Variants in NHSL1 observed in about 807,000 individuals in gnomAD.
NHSL1 encodes NHS like 1, also known as NHS-like protein 1.
Under a neutral mutation model 95.0 loss-of-function variants are expected in NHSL1, and 48 were observed. The observed-to-expected ratio is 0.51, with a 90% CI of 0.40 to 0.64. The LOEUF is 0.64. Among genes scored for constraint, NHSL1 ranks in the 30% least tolerant of loss-of-function variants. NHSL1 has a pLI of 0.00. For missense variants in NHSL1, 1,971 were observed against 2,077.7 expected (o/e 0.95, Z 1.00); for synonymous variants, 783 against 833.9 (o/e 0.94, Z 1.05).
intron 1 of NHSL1, among the ~76,000 whole-genome samples, chr6:138,583,643 G>A (rs1784092695): frequency 6.6e-6 from 1 of 152,144 alleles, no homozygotes; most frequent in South Asian, 2.1e-4. Context: ...GCACTAAACT[G>A]ATGTTTGTTA....
At chr6:138,614,898 T>C (rs888752483) in intron 1 of NHSL1, among the ~76,000 whole-genome samples, 1 of 152,168 alleles carries the variant, frequency 6.6e-6, no homozygotes, top group African/African-American at 2.4e-5. Flanking sequence ...TGAAATACTT[T>C]CATCCCGAAA....
chr6:138,619,679 C>A (rs564946439), intron 1 of NHSL1, among the ~76,000 whole-genome samples: 2 of 152,028 alleles, frequency 1.3e-5, no homozygotes, highest in Non-Finnish European at 2.9e-5. Context: ...CCCACCACTT[C>A]GGGAGGACAA....
intron 1 of NHSL1, among the ~76,000 whole-genome samples, chr6:138,605,531 A>G (rs900255610): frequency 5.9e-5 from 9 of 152,250 alleles, no homozygotes; most frequent in Non-Finnish European, 1.2e-4. Context: ...ATCAGCTCAA[A>G]GCATAAAAAG....
chr6:138,447,339 G>T, intron 3 of NHSL1, 146 bp from the exon 4 acceptor site: 1 of 666,170 alleles, frequency 1.5e-6, no homozygotes, highest in South Asian at 2.1e-5. Flanking sequence ...GCAATGGTTT[G>T]CTCAGCCTCT....
chr6:138,623,512 A>AT (rs1784694158), intron 1 of NHSL1, among the ~76,000 whole-genome samples: 2 of 152,300 alleles, frequency 1.3e-5, no homozygotes, highest in African/African-American at 2.4e-5. Flanking sequence ...TCACATACTT[A>AT]TTTTTTGTGG....
At chr6:138,475,801 A>G (rs912089772) in intron 2 of NHSL1, among the ~76,000 whole-genome samples, 1 of 151,808 alleles carries the variant, frequency 6.6e-6, no homozygotes, top group African/African-American at 2.4e-5. Context: ...CAAAACAAAA[A>G]CAAAAACAAA....
intron 2 of NHSL1, among the ~76,000 whole-genome samples, chr6:138,482,168 G>A (rs1156741537): frequency 6.6e-6 from 1 of 152,202 alleles, no homozygotes; most frequent in Non-Finnish European, 1.5e-5. Flanking sequence ...AGAAGATGAA[G>A]CCGGGCGTGG....
intron 1 of NHSL1, among the ~76,000 whole-genome samples, chr6:138,691,225 T>C (rs1275092550): frequency 6.6e-6 from 1 of 152,198 alleles, no homozygotes; most frequent in African/African-American, 2.4e-5. Context: ...TCCTCCCCAC[T>C]GATTTTTTTT....
chr6:138,497,101 T>C (rs1396157789), intron 1 of NHSL1, among the ~76,000 whole-genome samples: 1 of 152,130 alleles, frequency 6.6e-6, no homozygotes, highest in Non-Finnish European at 1.5e-5. Context: ...GAGGACAAAA[T>C]AACAGGTAAA....
chr6:138,597,854 A>C (rs1057431332), intron 1 of NHSL1, among the ~76,000 whole-genome samples: 2 of 151,962 alleles, frequency 1.3e-5, no homozygotes, highest in African/African-American at 4.9e-5. Flanking sequence ...TTCAGGGTAG[A>C]AAAAAGATAA....
intron 1 of NHSL1, among the ~76,000 whole-genome samples, chr6:138,676,331 A>G (rs1785448102): frequency 6.6e-6 from 1 of 152,222 alleles, no homozygotes; most frequent in Non-Finnish European, 1.5e-5. Context: ...AGGAAACCTT[A>G]CATTATTAAG....
At chr6:138,602,279 T>A (rs1243892004) in intron 1 of NHSL1, among the ~76,000 whole-genome samples, 1 of 152,232 alleles carries the variant, frequency 6.6e-6, no homozygotes, top group Non-Finnish European at 1.5e-5. Context: ...ACAGATTTTG[T>A]ATGTTTCATT....
intron 1 of NHSL1, among the ~76,000 whole-genome samples, chr6:138,612,849 T>C (rs1181897868): frequency 1.3e-5 from 2 of 152,222 alleles, no homozygotes; most frequent in African/African-American, 4.8e-5. Flanking sequence ...AAAATTAACT[T>C]CCCTTGCTGA....
intron 1 of NHSL1, among the ~76,000 whole-genome samples, chr6:138,641,524 G>A (rs1161694121): frequency 6.6e-6 from 1 of 150,496 alleles, no homozygotes; most frequent in Admixed American, 6.7e-5. Flanking sequence ...TCAGGAGGCT[G>A]ATGCAGGAGA....
chr6:138,437,587 T>C (rs1776271679), intron 5 of NHSL1, among the ~76,000 whole-genome samples: 1 of 152,108 alleles, frequency 6.6e-6, no homozygotes, highest in African/African-American at 2.4e-5. Context: ...GTCTTAATTT[T>C]GTAATGCATT....
chr6:138,522,912 T>G (rs1781743167), intron 1 of NHSL1, among the ~76,000 whole-genome samples: 1 of 152,202 alleles, frequency 6.6e-6, no homozygotes, highest in Non-Finnish European at 1.5e-5. Flanking sequence ...CAAAACAAGA[T>G]TTAACAATCT....
rs1455730178 is a variant in NHSL1, at chr6:138,584,711, A to G, written c.97-88340T>C. Among the ~76,000 whole-genome samples, 3 of 152,366 alleles carry G rather than the reference A, an allele frequency of 2.0e-5. No homozygotes were observed. The East Asian group carries it at 5.8e-4, about 29-fold the overall frequency. ...TTAAATCAAGACAACTTCTATTACC[A>G]TGAAGATATGCCACCACGAAGAACT... On this transcript the variant is annotated intron_variant, in intron 1 of 3. Transcript: ENST00000491526.
rs61297336 is a variant in NHSL1, at chr6:138,689,786, CT to C, written c.96+2689del. Among the ~76,000 whole-genome samples the C allele has an allele frequency of 1.5e-3, 214 of 145,548 alleles. 1 individual carries two copies. Among genetic ancestry groups the C allele is most frequent in the East Asian group, 2.8e-3 (14 of 5,022 alleles). On this transcript the variant is annotated intron_variant, in intron 1 of 3. Transcript: ENST00000491526. Reference sequence around the variant, plus strand: ...TAAACTTTGCTCCCCATTTCCACACCTTTTTTTTTTTTGAGACAGTCTCGCT... The same window carrying C: ...TAAACTTTGCTCCCCATTTCCACACCTTTTTTTTTTTGAGACAGTCTCGCT...
At chr6:138,442,723 G>A (rs1776609517) in intron 4 of NHSL1, among the ~76,000 whole-genome samples, 1 of 152,174 alleles carries the variant, frequency 6.6e-6, no homozygotes, top group Admixed American at 6.5e-5. Flanking sequence ...ACCCAGTAGC[G>A]CTGCTGTTGT....
Sources: gnomAD v4.1 joint callset for allele counts (sites outside exome capture counted in the v4.1 genomes callset) on GRCh38, gnomAD v4.1.1 for gene constraint, MANE v1.5 for transcripts, NCBI Gene and HGNC (gene_info 2026-07-23, HGNC 2026-07-21) for gene names.